SAGE1: variants seen among roughly 807,000 people sequenced by gnomAD.
SAGE1 encodes the protein cancer/testis antigen 14.
In SAGE1, 55 loss-of-function variants were observed where a neutral mutation model predicts 55.4. The observed-to-expected ratio is 0.99, with a 90% CI of 0.80 to 1.24. SAGE1 has a LOEUF of 1.24. SAGE1 is among the 50% of genes most tolerant of loss of function. The pLI, the probability that SAGE1 is intolerant of heterozygous loss-of-function variation, is 0.00. For missense variants in SAGE1, 710 were observed against 704.4 expected (o/e 1.01, Z -0.09); for synonymous variants, 240 against 244.3 (o/e 0.98, Z 0.17).
intron 1 of SAGE1, 88 bp from the exon 2 acceptor site, chrX:135,896,155 T>C: frequency 1.6e-6 from 1 of 629,736 alleles, no homozygotes; most frequent in Non-Finnish European, 2.7e-6. Context: ...TTCAGCTGTA[T>C]AGCGCCAATT....
chrX:135,909,899 A>G (rs1363823247), intron 14 of SAGE1, 120 bp downstream of exon 14: 7 of 977,466 alleles, frequency 7.2e-6, no homozygotes, highest in Non-Finnish European at 8.5e-6. Context: ...GAGTGTTCTC[A>G]GATCGCCATC....
rs141186388 is a variant in SAGE1, at chrX:135,907,576, C to A, written c.1018+123C>A. 6,050 of 971,849 alleles carry A rather than the reference C, an allele frequency of 6.2e-3. 25 individuals are homozygous for A. Among genetic ancestry groups the A allele is most frequent in the South Asian group, 9.3e-3 (410 of 43,886 alleles). 80.1% of individuals were successfully genotyped at this position (971,849 alleles called of 1,213,427 possible). ...GAGCTCAATCTGAGGTGTCTCAGAT[C>A]ATCACTTGCTGTATCCTCCTGCTTT... On this transcript the variant is annotated intron_variant, in intron 9 of 19. Coordinates refer to ENST00000370709, the MANE Select transcript of SAGE1 (RefSeq NM_001381902.1).
At chrX:135,910,224 G>A (rs2088871628) in intron 15 of SAGE1, 54 bp downstream of exon 15, 1 of 1,110,298 alleles carries the variant, frequency 9.0e-7, no homozygotes, top group Admixed American at 2.4e-5. Context: ...TGCATGCATA[G>A]TGTCATGAGG....
Position 135,910,037 on chromosome X carries a change from C to T in SAGE1, c.1731C>T (p.Thr577=), listed in dbSNP as rs781908009. The change falls in exon 15 of 20, where the codon ACC becomes ACT. Residue 577 remains threonine, a synonymous_variant. Transcript: ENST00000370709. ...TCTTTATTTCTGTTCCAGATGCTAC[C>T]GTCACTCACAATGTCCATGAAGAGA... ...PAMSTRDQYA[T]VTHNVHEEKI... is the part of the protein sequence containing the mutation. 7.4e-6 allele frequency: 9 copies of T among 1,208,094 alleles called. No individual in the cohort carries two copies. The highest frequency in any genetic ancestry group is 9.0e-6 in the Non-Finnish European group (8 of 893,653).
Position 135,908,095 on chromosome X carries a change from C to T in SAGE1, c.1166C>T (p.Thr389Ile). 1 of 1,210,118 alleles carries T rather than the reference C, an allele frequency of 8.3e-7. No homozygotes were observed. The highest frequency in any genetic ancestry group is 1.1e-6 in the Non-Finnish European group (1 of 894,612). Residue 389 changes from threonine to isoleucine, a missense_variant, in exon 11 of 20, where the codon ACC (threonine) becomes ATC (isoleucine). Coordinates refer to ENST00000370709, the MANE Select transcript of SAGE1 (RefSeq NM_001381902.1). The part of the protein sequence containing the change: ...PAMSTRDQHA[T>I]IIHNLREEKK... ...AACTACATTTGGTTTCCAGATGCTACCATCATTCACAATCTGCGTGAAGAG... is the reference window on the plus strand; with the variant it reads ...AACTACATTTGGTTTCCAGATGCTATCATCATTCACAATCTGCGTGAAGAG...
At position 135,912,938 on chromosome X, in the gene SAGE1, C is replaced by A. The variant is rs781952629; in HGVS notation, c.*41C>A. 2 of 919,125 alleles carry A rather than the reference C, an allele frequency of 2.2e-6. No individual in the cohort carries two copies. Among genetic ancestry groups the A allele is most frequent in the Non-Finnish European group, 1.6e-6 (1 of 639,750 alleles). The allele number at this position is 919,125 out of a possible 1,213,427, so 75.7% of individuals were successfully genotyped here. On this transcript the variant is annotated 3_prime_UTR_variant, in exon 20 of 20. Coordinates refer to ENST00000370709, the MANE Select transcript of SAGE1 (RefSeq NM_001381902.1). ...GACCAAGGAGAAACAAGGACATATG[C>A]TGTAGGATGGAACAGGTTATTGCTG...
chrX:135,905,950 C>T, intron 5 of SAGE1, 74 bp from the exon 6 acceptor site: 1 of 870,653 alleles, frequency 1.1e-6, no homozygotes, highest in Admixed American at 2.8e-5. Flanking sequence ...AGAAACTGAG[C>T]ATCAGAGGGA....
chrX:135,895,726 G>A (rs1556593115), intron 1 of SAGE1, among the ~76,000 whole-genome samples: 1 of 111,952 alleles, frequency 8.9e-6, no homozygotes, highest in African/African-American at 3.2e-5. Context: ...TTATACTTTG[G>A]ACTATGTGGT....
At chrX:135,897,152 G>A (rs1348101610) in intron 2 of SAGE1, among the ~76,000 whole-genome samples, 2 of 112,028 alleles carry the variant, frequency 1.8e-5, no homozygotes, top group Middle Eastern at 4.6e-3. Flanking sequence ...AGTATTCCTC[G>A]TGGAATATGA....
intron 18 of SAGE1, 87 bp from the exon 19 acceptor site, chrX:135,912,234 A>T (rs1478161880): frequency 5.3e-6 from 6 of 1,129,935 alleles, no homozygotes; most frequent in Non-Finnish European, 7.0e-6. Context: ...CCCATGAAAA[A>T]TGTATACTGT....
In SAGE1 at chrX:135,908,210, C is replaced by T; in HGVS notation, c.1281C>T (p.Pro427=). The change falls in exon 11 of 20, where the codon CCC becomes CCT. Residue 427 remains proline, a synonymous_variant. Transcript: ENST00000370709. ...LINLAGAGIP[P]MSTRDQYATV... ...ACTTGGCAGGAGCTGGTATTCCACC[C>T]ATGAGTACCAGGGATCAGTGTATGT... is the stretch of plus-strand genomic sequence containing the variant. The T allele has an allele frequency of 8.3e-7, 1 of 1,207,103 alleles. No homozygotes were observed. The highest frequency in any genetic ancestry group is 1.1e-6 in the Non-Finnish European group (1 of 891,652).
rs1556605896 is a variant in SAGE1, at chrX:135,910,503, G to C, written c.1953G>C (p.Trp651Cys). 2.5e-6 allele frequency: 3 copies of C among 1,210,239 alleles called. No homozygotes were observed. Among genetic ancestry groups the C allele is most frequent in the Non-Finnish European group, 3.4e-6 (3 of 894,165 alleles). Reference sequence around the variant, plus strand: ...ACATCTTGTCAACTGCTCCTCCATGGCTTCGTCATATGGCAGCAGCTGGAA... The same window carrying C: ...ACATCTTGTCAACTGCTCCTCCATGCCTTCGTCATATGGCAGCAGCTGGAA... ...PGNILSTAPPWLRHMAAAGIS... is the reference protein window; with the variant it reads ...PGNILSTAPPCLRHMAAAGIS... The change falls in exon 16 of 20, where the codon TGG (tryptophan) becomes TGC (cysteine). Residue 651 changes from tryptophan (W) to cysteine (C), a missense_variant. By Grantham distance (215) the Trp-to-Cys change is radical. Transcript: ENST00000370709.
chrX:135,911,158 A>ACT, intron 16 of SAGE1, 34 bp from the exon 17 acceptor site: 2 of 1,202,226 alleles, frequency 1.7e-6, no homozygotes, highest in Non-Finnish European at 2.2e-6. Context: ...TTATGCACTT[A>ACT]CTTCACAGCT....
chrX:135,899,718 T>C (rs1325321627), intron 2 of SAGE1, among the ~76,000 whole-genome samples: 2 of 110,991 alleles, frequency 1.8e-5, no homozygotes, highest in South Asian at 7.6e-4. Flanking sequence ...CTTCCCTTGT[T>C]AGCCATATTC....
chrX:135,908,221 G>C lies in SAGE1; in HGVS notation c.1292G>C (p.Arg431Thr), dbSNP rs140797723. 8.3e-7 allele frequency: 1 copy of C among 1,208,164 alleles called. No homozygotes were observed. Among genetic ancestry groups the C allele is most frequent in the Non-Finnish European group, 1.1e-6 (1 of 892,405 alleles). ...GCTGGTATTCCACCCATGAGTACCA[G>C]GGATCAGTGTATGTTTGCTTACTAG... Reference protein sequence around the residue: ...AGAGIPPMSTRDQYATVNHHV... With the variant: ...AGAGIPPMSTTDQYATVNHHV... Residue 431 changes from arginine to threonine, a missense_variant, in exon 11 of 20, where the codon AGG (arginine) becomes ACG (threonine). Transcript: ENST00000370709.
Position 135,910,141 on chromosome X carries a change from G to A in SAGE1, c.1835G>A (p.Gly612Asp). 2 of 1,208,392 alleles carry A rather than the reference G, an allele frequency of 1.7e-6. No homozygotes were observed. Among genetic ancestry groups the A allele is most frequent in the Non-Finnish European group, 2.2e-6 (2 of 892,845 alleles). ...PPAFINMAAT[G>D]VSSMSTRDQY... ...GCATTTATTAATATGGCAGCAACTG[G>A]TGTTTCATCCATGAGTACCAGGGAT... The change falls in exon 15 of 20, where the codon GGT becomes GAT. Residue 612 changes from glycine (G) to aspartate (D), a missense_variant. By Grantham distance (94) the Gly-to-Asp change is moderately conservative. Coordinates refer to ENST00000370709, the MANE Select transcript of SAGE1 (RefSeq NM_001381902.1).
Position 135,909,651 on chromosome X carries a change from C to T in SAGE1, c.1595C>T (p.Thr532Ile). ...ATTTGGTTTCCAGATGCTACCGTCA[C>T]TCAAAATGTCCATGAAGAGAGGATG... The part of the protein sequence containing the change: ...MSTKDLYATV[T>I]QNVHEERMEN... The change falls in exon 14 of 20, where the codon ACT becomes ATT. Residue 532 changes from threonine to isoleucine, a missense_variant. Coordinates refer to ENST00000370709, the MANE Select transcript of SAGE1 (RefSeq NM_001381902.1). The T allele has an allele frequency of 8.3e-7, 1 of 1,202,778 alleles. No homozygotes were observed. The highest frequency in any genetic ancestry group is 1.1e-6 in the Non-Finnish European group (1 of 891,319).
At chrX:135,901,097 C>G (rs1452051318) in intron 2 of SAGE1, among the ~76,000 whole-genome samples, 1 of 85,428 alleles carries the variant, frequency 1.2e-5, no homozygotes, top group Admixed American at 1.7e-4. Context: ...GAGCCGAGAT[C>G]ATGCAATTGC....
In SAGE1 at chrX:135,908,130, A is replaced by G. The variant is rs2088829618; in HGVS notation, c.1201A>G (p.Asn401Asp). 1.7e-6 allele frequency: 2 copies of G among 1,210,198 alleles called. No homozygotes were observed. Among genetic ancestry groups the G allele is most frequent in the South Asian group, 3.5e-5 (2 of 56,915 alleles). The change falls in exon 11 of 20, where the codon AAC (asparagine) becomes GAC (aspartate). Residue 401 changes from asparagine (N) to aspartate (D), a missense_variant. Physicochemically the swap from Asn to Asp is conservative, Grantham distance 23 (BLOSUM62 1). Transcript: ENST00000370709. ...IHNLREEKKD[N>D]SQPTPDNVLS... ...CAATCTGCGTGAAGAGAAGAAAGAT[A>G]ACAGCCAACCAACCCCTGATAACGT...
Sources: allele counts gnomAD v4.1 joint callset (sites outside exome capture counted in the v4.1 genomes callset), GRCh38; gene constraint gnomAD v4.1.1; transcripts MANE v1.5; gene names NCBI Gene and HGNC (gene_info 2026-07-23, HGNC 2026-07-21).